Variants in SORCS3 observed in about 807,000 individuals in gnomAD.
SORCS3 encodes the protein VPS10 domain-containing receptor SorCS3.
In SORCS3, 57 loss-of-function variants were observed where a neutral mutation model predicts 146.3. That is an observed-to-expected ratio of 0.39 (90% confidence interval 0.31 to 0.49). SORCS3 has a LOEUF of 0.49. Ranked by LOEUF, SORCS3 falls within the 20% of genes least tolerant of loss-of-function variation. The probability of loss-of-function intolerance (pLI) is 0.92; values close to 1 mark genes in which losing one functional copy is unlikely to be tolerated. For synonymous variants in SORCS3, 653 were observed against 618.5 expected (o/e 1.06, Z -0.83); for missense variants, 1,341 against 1,575.5 (o/e 0.85, Z 2.52).
intron 20 of SORCS3, among the ~76,000 whole-genome samples, chr10:105,240,620 C>A (rs1194831049): frequency 1.3e-5 from 2 of 152,148 alleles, no homozygotes; most frequent in Non-Finnish European, 2.9e-5. Flanking sequence ...ATTCAGCTTG[C>A]AAATCATTAA....
At chr10:105,171,126 C>G (rs1190086224) in intron 13 of SORCS3, among the ~76,000 whole-genome samples, 1 of 152,130 alleles carries the variant, frequency 6.6e-6, no homozygotes, top group Admixed American at 6.6e-5. Flanking sequence ...ATAGCTACAT[C>G]ACCTTTAAGA....
At chr10:105,047,785 G>A (rs1478927613) in intron 5 of SORCS3, among the ~76,000 whole-genome samples, 1 of 152,080 alleles carries the variant, frequency 6.6e-6, no homozygotes, top group Non-Finnish European at 1.5e-5. Flanking sequence ...TGGGTTTCTA[G>A]TGGTGTTTGT....
At chr10:105,051,555 A>G (rs2133711038) in intron 5 of SORCS3, among the ~76,000 whole-genome samples, 1 of 152,274 alleles carries the variant, frequency 6.6e-6, no homozygotes, top group South Asian at 2.1e-4. Flanking sequence ...TTCATATATT[A>G]TCCATGACAG....
chr10:104,937,607 A>G (rs537829096), intron 3 of SORCS3, among the ~76,000 whole-genome samples: 1 of 152,370 alleles, frequency 6.6e-6, no homozygotes, highest in East Asian at 1.9e-4. Context: ...AGGATGGTGC[A>G]TATGATACGT....
At chr10:104,795,684 G>A (rs1480343219) in intron 1 of SORCS3, among the ~76,000 whole-genome samples, 2 of 152,246 alleles carry the variant, frequency 1.3e-5, no homozygotes, top group Non-Finnish European at 2.9e-5. Context: ...CTAAGGGGCA[G>A]TAGCTTTCTT....
At chr10:104,846,985 A>T (rs908198641) in intron 2 of SORCS3, among the ~76,000 whole-genome samples, 1 of 152,240 alleles carries the variant, frequency 6.6e-6, no homozygotes, top group Non-Finnish European at 1.5e-5. Flanking sequence ...CTAGACAGAC[A>T]TAACCCTCCT....
chr10:104,866,872 A>G (rs1369426284), intron 2 of SORCS3, among the ~76,000 whole-genome samples: 1 of 152,182 alleles, frequency 6.6e-6, no homozygotes, highest in African/African-American at 2.4e-5. Context: ...GGTTCTGTAT[A>G]CTTTTTAATA....
At chr10:104,817,296 A>G (rs1356154609) in intron 1 of SORCS3, among the ~76,000 whole-genome samples, 2 of 151,806 alleles carry the variant, frequency 1.3e-5, no homozygotes, top group Admixed American at 6.5e-5. Flanking sequence ...TCAATTGGCA[A>G]TCATAGGAGT....
At chr10:105,203,883 C>A (rs1363406680) in intron 16 of SORCS3, among the ~76,000 whole-genome samples, 2 of 152,140 alleles carry the variant, frequency 1.3e-5, no homozygotes, top group Non-Finnish European at 2.9e-5. Context: ...TATTCTTACA[C>A]CCTAGGGTTA....
chr10:105,253,192 A>G (rs1256744829), intron 23 of SORCS3, among the ~76,000 whole-genome samples: 1 of 150,876 alleles, frequency 6.6e-6, no homozygotes, highest in Non-Finnish European at 1.5e-5. Context: ...ATTCAGGGGA[A>G]GGGGAGCAGC....
intron 3 of SORCS3, among the ~76,000 whole-genome samples, chr10:104,916,201 T>C (rs1190949700): frequency 6.6e-6 from 1 of 152,230 alleles, no homozygotes; most frequent in Non-Finnish European, 1.5e-5. Flanking sequence ...ATCTATGGGA[T>C]AGAAACTATT....
At chr10:104,664,429 C>T (rs2015742569) in intron 1 of SORCS3, among the ~76,000 whole-genome samples, 1 of 152,146 alleles carries the variant, frequency 6.6e-6, no homozygotes, top group Non-Finnish European at 1.5e-5. Flanking sequence ...TAGAGATGGA[C>T]TTTGAGCTCA....
In SORCS3 at chr10:104,693,636, T is replaced by G. The variant is rs550154178; in HGVS notation, c.627+51682T>G. ...CCTGAATACTCCTTGTCTCATCTAATCTTCGCAATGACCCTGTGATGTCTG... is the reference window on the plus strand; with the variant it reads ...CCTGAATACTCCTTGTCTCATCTAAGCTTCGCAATGACCCTGTGATGTCTG... On this transcript the variant is annotated intron_variant, in intron 1 of 26. Transcript: ENST00000369701. Among the ~76,000 whole-genome samples, 24 of 152,270 alleles carry G rather than the reference T, an allele frequency of 1.6e-4. 1 individual carries two copies. The South Asian group carries it at 5.0e-3, about 32-fold the overall frequency.
intron 1 of SORCS3, among the ~76,000 whole-genome samples, chr10:104,824,605 G>A (rs2017914512): frequency 6.6e-6 from 1 of 152,140 alleles, no homozygotes; most frequent in Non-Finnish European, 1.5e-5. Flanking sequence ...TGTCCCGGGT[G>A]CTGGAGGTGC....
At chr10:105,086,061 T>C (rs1241768164) in intron 5 of SORCS3, among the ~76,000 whole-genome samples, 1 of 152,168 alleles carries the variant, frequency 6.6e-6, no homozygotes, top group African/African-American at 2.4e-5. Flanking sequence ...GCAAGGAATA[T>C]TTCTCCTGGT....
chr10:104,642,021 G>C, intron 1 of SORCS3, 67 bp downstream of exon 1: 1 of 369,180 alleles, frequency 2.7e-6, no homozygotes, highest in East Asian at 8.6e-5. Flanking sequence ...GGGGTGGGTG[G>C]GAGCGAGGGA....
chr10:104,645,286 G>A (rs772245780), intron 1 of SORCS3, among the ~76,000 whole-genome samples: 2 of 152,144 alleles, frequency 1.3e-5, no homozygotes, highest in Non-Finnish European at 2.9e-5. Flanking sequence ...CACCCAGAGG[G>A]AGCCCAGTCC....
At chr10:104,836,771 C>T (rs10082372) in intron 1 of SORCS3, among the ~76,000 whole-genome samples, 10,170 of 152,034 alleles carry the variant, frequency 0.067, 1,076 homozygotes, top group African/African-American at 0.22. Context: ...GTGGATCCTG[C>T]GTATATCATG....
At chr10:104,985,855 A>C (rs1398883707) in intron 4 of SORCS3, among the ~76,000 whole-genome samples, 1 of 150,506 alleles carries the variant, frequency 6.6e-6, no homozygotes, top group African/African-American at 2.5e-5. Flanking sequence ...TAAAATATTC[A>C]GTAAACTATA....
Sources: allele counts gnomAD v4.1 joint callset (sites outside exome capture counted in the v4.1 genomes callset), GRCh38; gene constraint gnomAD v4.1.1; transcripts MANE v1.5; gene names NCBI Gene and HGNC (gene_info 2026-07-23, HGNC 2026-07-21).